The following HMGCS1 variants were observed in gnomAD, a reference collection of about 807,000 sequenced individuals.
HMGCS1 encodes hydroxymethylglutaryl-CoA synthase, cytoplasmic.
Under a neutral mutation model 52.3 loss-of-function variants are expected in HMGCS1, and 9 were observed. The observed-to-expected ratio is 0.17, with a 90% CI of 0.10 to 0.30. The LOEUF (loss-of-function observed/expected upper bound fraction) is 0.30. Ranked by LOEUF, HMGCS1 falls within the 10% of genes least tolerant of loss-of-function variation. The pLI is 1.00. For synonymous variants in HMGCS1, 176 were observed against 214.4 expected (o/e 0.82, Z 1.57); for missense variants, 320 against 620.9 (o/e 0.52, Z 5.15).
rs151190839 is a variant in HMGCS1 at position 43,294,058 on chromosome 5, G to A, written c.1181C>T (p.Pro394Leu). ...TTGTTGAAAGATTCAGCACTTACCC[G>A]GTGTAGCATCTTGTGTGACTTTAAG... Reference protein sequence around the residue: ...YSLKVTQDATPGSALDKITAS... With the variant: ...YSLKVTQDATLGSALDKITAS... Residue 394 changes from proline to leucine, a missense_variant and splice_region_variant, in exon 8 of 11, where the codon CCG (proline) becomes CTG (leucine). By Grantham distance (98) the Pro-to-Leu change is moderately conservative. Transcript: ENST00000325110. 6.3e-6 allele frequency: 10 copies of A among 1,578,098 alleles called. No individual in the cohort carries two copies. The highest frequency in any genetic ancestry group is 3.3e-5 in the Admixed American group (2 of 59,922).
chr5:43,310,238 C>A (rs541168403), intron 1 of HMGCS1, among the ~76,000 whole-genome samples: 39 of 152,172 alleles, frequency 2.6e-4, no homozygotes, highest in Admixed American at 7.2e-4. Context: ...TACTGGTCTG[C>A]GTATCAGAGA....
intron 2 of HMGCS1, among the ~76,000 whole-genome samples, chr5:43,305,149 G>C (rs543552476): frequency 1.1e-4 from 17 of 152,054 alleles, no homozygotes; most frequent in Non-Finnish European, 2.5e-4. Context: ...ACCACACCCA[G>C]CTGATTTTGT....
rs578194878 is a variant in HMGCS1, at chr5:43,294,179, A to G, written c.1077-17T>C. 6.7e-7 allele frequency: 1 copy of G among 1,486,112 alleles called. No individual in the cohort carries two copies. Among genetic ancestry groups the G allele is most frequent in the Admixed American group, 1.7e-5 (1 of 59,794 alleles). 92.1% of individuals were successfully genotyped at this position (1,486,112 alleles called of 1,614,324 possible). ...GGTGAGTACCTATGTAGGGTGTAACAATAGTTCAGAAGTTTAACTGATCCA... is the reference window on the plus strand; with the variant it reads ...GGTGAGTACCTATGTAGGGTGTAACGATAGTTCAGAAGTTTAACTGATCCA... On this transcript the variant is annotated splice_polypyrimidine_tract_variant and intron_variant, in intron 7 of 10. Coordinates refer to ENST00000325110, the MANE Select transcript of HMGCS1 (RefSeq NM_001098272.3).
rs1454423384 is a variant in HMGCS1 at position 43,289,742 on chromosome 5, A to G, written c.*1389T>C. 1 of 152,610 alleles carries G rather than the reference A, an allele frequency of 6.6e-6. No homozygotes were observed. Among genetic ancestry groups the G allele is most frequent in the Non-Finnish European group, 1.5e-5 (1 of 68,032 alleles). The allele number at this position is 152,610 out of a possible 1,614,324, so 9.5% of individuals were successfully genotyped here. A position where few individuals can be genotyped will look rare whatever the true frequency, so the allele number is the denominator to read the frequency against. On this transcript the variant is annotated 3_prime_UTR_variant, in exon 11 of 11. Coordinates refer to ENST00000325110, the MANE Select transcript of HMGCS1 (RefSeq NM_001098272.3). ...TAGACAAGAGTATCTTACAAACACT[A>G]CTATTACATATTACCTTGCAATCTG...
Position 43,291,022 on chromosome 5 carries a change from T to C in HMGCS1, c.*109A>G, listed in dbSNP as rs146535915. 5.9e-6 allele frequency: 4 copies of C among 682,070 alleles called. No individual in the cohort carries two copies. The highest frequency in any genetic ancestry group is 1.8e-5 in the African/African-American group (1 of 56,686). 42.3% of individuals were successfully genotyped at this position (682,070 alleles called of 1,614,324 possible). The stretch of plus-strand genomic sequence containing the variant: ...CATGTCAGTCACATAAAAATTTACA[T>C]AACATGTAATCCTTTAAAATTATCC... On this transcript the variant is annotated 3_prime_UTR_variant, in exon 11 of 11. Coordinates refer to ENST00000325110, the MANE Select transcript of HMGCS1 (RefSeq NM_001098272.3).
At chr5:43,296,006 T>C (rs968216496) in intron 5 of HMGCS1, 89 bp from the exon 6 acceptor site, 5 of 959,302 alleles carry the variant, frequency 5.2e-6, no homozygotes, top group Non-Finnish European at 8.0e-6. Context: ...GATATTTGTA[T>C]ATGTTTAAAC....
At chr5:43,311,045 C>T (rs1328483786) in intron 1 of HMGCS1, among the ~76,000 whole-genome samples, 1 of 152,140 alleles carries the variant, frequency 6.6e-6, no homozygotes, top group Non-Finnish European at 1.5e-5. Flanking sequence ...CTAGTTCTAG[C>T]CAGGCATGGT....
In HMGCS1 at chr5:43,289,529, C is replaced by T. The variant is rs1471743557; in HGVS notation, c.*1602G>A. 6.6e-6 allele frequency: 1 copy of T among 152,570 alleles called. No individual in the cohort carries two copies. Among genetic ancestry groups the T allele is most frequent in the Non-Finnish European group, 1.5e-5 (1 of 68,024 alleles). 9.5% of individuals were successfully genotyped at this position (152,570 alleles called of 1,614,324 possible). ...GACTTTGAGAAAACCCATTTCCTGG[C>T]ACCCAAAAGTTAAATTACTCTTTTC... On this transcript the variant is annotated 3_prime_UTR_variant, in exon 11 of 11. Coordinates refer to ENST00000325110, the MANE Select transcript of HMGCS1 (RefSeq NM_001098272.3).
Position 43,291,161 on chromosome 5 carries a change from T to C in HMGCS1, c.1533A>G (p.Glu511=). The C allele has an allele frequency of 6.7e-7, 1 of 1,483,084 alleles. No individual in the cohort carries two copies. Among genetic ancestry groups the C allele is most frequent in the Non-Finnish European group, 9.1e-7 (1 of 1,098,302 alleles). The allele number at this position is 1,483,084 out of a possible 1,614,324, so 91.9% of individuals were successfully genotyped here. The change falls in exon 11 of 11, where the codon GAA becomes GAG. Residue 511 remains glutamate (E), a synonymous_variant. Transcript: ENST00000325110. The part of the protein sequence containing the change: ...PRLPATAAEP[E]AAVISNGEH Reference sequence around the variant, plus strand: ...GTTCCCCATTACTAATGACAGCTGCTTCAGGTTCTGCTGCTGTGGCAGGGA... The same window carrying C: ...GTTCCCCATTACTAATGACAGCTGCCTCAGGTTCTGCTGCTGTGGCAGGGA...
At chr5:43,300,958 G>A (rs556412111) in intron 2 of HMGCS1, among the ~76,000 whole-genome samples, 4 of 151,672 alleles carry the variant, frequency 2.6e-5, no homozygotes, top group Middle Eastern at 3.4e-3. Context: ...TTATCCTCTC[G>A]AATATTCACT....
chr5:43,307,325 A>G (rs1283449868), intron 2 of HMGCS1, among the ~76,000 whole-genome samples: 2 of 152,018 alleles, frequency 1.3e-5, no homozygotes, highest in Admixed American at 6.6e-5. Context: ...CACCCGCCAC[A>G]GCCTCCCAAA....
intron 1 of HMGCS1, among the ~76,000 whole-genome samples, chr5:43,310,997 C>G (rs543630196): frequency 6.6e-6 from 1 of 152,286 alleles, no homozygotes; most frequent in South Asian, 2.1e-4. Flanking sequence ...AAGTGAACAT[C>G]AACACACGCC....
intron 2 of HMGCS1, among the ~76,000 whole-genome samples, chr5:43,305,536 G>A (rs1021037088): frequency 4.6e-5 from 7 of 152,032 alleles, no homozygotes; most frequent in Middle Eastern, 3.4e-3. Context: ...TTGGGAGGCC[G>A]AGGTGGGCGG....
At chr5:43,295,343 T>C (rs375533628) in intron 6 of HMGCS1, among the ~76,000 whole-genome samples, 3 of 152,130 alleles carry the variant, frequency 2.0e-5, no homozygotes, top group Non-Finnish European at 4.4e-5. Flanking sequence ...CATAGCATGC[T>C]AGGGAGCCTA....
rs192713047 is a variant in HMGCS1 at position 43,296,056 on chromosome 5, C to A, written c.740-139G>T. ...CACTGTATAATGAAACCTCTCTATA[C>A]CTTAAAGTATACATTTAAAAAGACA... On this transcript the variant is annotated intron_variant, in intron 5 of 10. Transcript: ENST00000325110. 78 of 584,110 alleles carry A rather than the reference C, an allele frequency of 1.3e-4. No individual in the cohort carries two copies. In the East Asian group the frequency reaches 1.6e-3, roughly 12 times the overall value. The allele number at this position is 584,110 out of a possible 1,614,324, so 36.2% of individuals were successfully genotyped here.
At chr5:43,292,799 A>G (rs879833539) in intron 9 of HMGCS1, 49 bp downstream of exon 9, 3 of 1,589,348 alleles carry the variant, frequency 1.9e-6, no homozygotes, top group Non-Finnish European at 2.6e-6. Flanking sequence ...ATCCTTAATG[A>G]TATCAGCCCT....
chr5:43,291,417 A>T (rs1753760727), intron 10 of HMGCS1, among the ~76,000 whole-genome samples, 197 bp from the exon 11 acceptor site: 1 of 152,108 alleles, frequency 6.6e-6, no homozygotes. Context: ...TTAGTATACA[A>T]TTATCCATAT....
Position 43,290,980 on chromosome 5 carries a change from G to A in HMGCS1, c.*151C>T, listed in dbSNP as rs759278474. The A allele has an allele frequency of 8.5e-6, 5 of 588,954 alleles. No individual in the cohort carries two copies. Among genetic ancestry groups the A allele is most frequent in the East Asian group, 8.2e-5 (3 of 36,410 alleles). 36.5% of individuals were successfully genotyped at this position (588,954 alleles called of 1,614,324 possible). On this transcript the variant is annotated 3_prime_UTR_variant, in exon 11 of 11. Transcript: ENST00000325110. The stretch of plus-strand genomic sequence containing the variant: ...AGCAAAGAGACTTTCCCAAGTACAC[G>A]ATAGTCATCCAGGCTCCATGTCAGT...
chr5:43,297,058 G>C lies in HMGCS1; in HGVS notation c.683C>G (p.Ala228Gly). Residue 228 changes from alanine to glycine, a missense_variant, in exon 5 of 11, where the codon GCA (alanine) becomes GGA (glycine). By Grantham distance (60) the Ala-to-Gly change is moderately conservative. Coordinates refer to ENST00000325110, the MANE Select transcript of HMGCS1 (RefSeq NM_001098272.3). ...GTAGACAGAATAGCAGCGGTCTAAT[G>C]CACTGAGGTAGCACTGTATGGAGAG... The part of the protein sequence containing the change: ...GKLSIQCYLS[A>G]LDRCYSVYCK... 1 of 1,613,612 alleles carries C rather than the reference G, an allele frequency of 6.2e-7. No individual in the cohort carries two copies. Among genetic ancestry groups the C allele is most frequent in the Non-Finnish European group, 8.5e-7 (1 of 1,179,536 alleles).
Sources: allele counts gnomAD v4.1 joint callset (sites outside exome capture counted in the v4.1 genomes callset), GRCh38; gene constraint gnomAD v4.1.1; transcripts MANE v1.5; gene names NCBI Gene and HGNC (gene_info 2026-07-23, HGNC 2026-07-21).